The following OLA1 variants were observed in gnomAD, a reference collection of about 807,000 sequenced individuals.
OLA1 encodes obg-like ATPase 1.
Under a neutral mutation model 48.4 loss-of-function variants are expected in OLA1, and 14 were observed. The observed-to-expected ratio is 0.29, with a 90% CI of 0.19 to 0.45. The LOEUF is 0.45. OLA1 is among the 20% of genes least tolerant of loss of function. The pLI, the probability that OLA1 is intolerant of heterozygous loss-of-function variation, is 1.00. For missense variants in OLA1, 325 were observed against 467.1 expected (o/e 0.70, Z 2.80); for synonymous variants, 127 against 150.4 (o/e 0.84, Z 1.14).
intron 4 of OLA1, among the ~76,000 whole-genome samples, chr2:174,199,865 C>T (rs763434950): frequency 2.6e-5 from 4 of 152,108 alleles, no homozygotes; most frequent in Non-Finnish European, 5.9e-5. Flanking sequence ...ATACTCTTCC[C>T]TTTTCTAACC....
At chr2:174,236,751 A>C (rs1688859753) in intron 2 of OLA1, among the ~76,000 whole-genome samples, 1 of 152,346 alleles carries the variant, frequency 6.6e-6, no homozygotes, top group East Asian at 1.9e-4. Flanking sequence ...ACTGTACTGA[A>C]CACTGTAGAC....
chr2:174,077,051 T>C (rs1684755779), intron 10 of OLA1, among the ~76,000 whole-genome samples: 2 of 152,106 alleles, frequency 1.3e-5, no homozygotes, highest in Non-Finnish European at 2.9e-5. Context: ...TAGAGACCAT[T>C]TAATCCATTT....
At chr2:174,197,428 TG>T (rs1687901029) in intron 4 of OLA1, among the ~76,000 whole-genome samples, 1 of 104,488 alleles carries the variant, frequency 9.6e-6, no homozygotes, top group South Asian at 4.2e-4. Context: ...GTTGTTGGTT[TG>T]TTGTTTTTTT....
At chr2:174,145,816 T>C (rs1213061864) in intron 4 of OLA1, among the ~76,000 whole-genome samples, 2 of 152,188 alleles carry the variant, frequency 1.3e-5, no homozygotes, top group African/African-American at 4.8e-5. Flanking sequence ...TCAAGAGAAA[T>C]GCCTGAAAAT....
chr2:174,199,068 A>C (rs187851946), intron 4 of OLA1, among the ~76,000 whole-genome samples: 1 of 148,244 alleles, frequency 6.7e-6, no homozygotes, highest in East Asian at 3.3e-4. Flanking sequence ...TACATCTCTA[A>C]CGTGCTGGGT....
chr2:174,134,845 CTA>C (rs1686265502), intron 5 of OLA1, among the ~76,000 whole-genome samples: 1 of 152,162 alleles, frequency 6.6e-6, no homozygotes, highest in African/African-American at 2.4e-5. Flanking sequence ...TTGCTTTAGG[CTA>C]TGTCTTGAAG....
At chr2:174,140,547 T>C (rs1686422608) in intron 5 of OLA1, among the ~76,000 whole-genome samples, 1 of 152,068 alleles carries the variant, frequency 6.6e-6, no homozygotes, top group South Asian at 2.1e-4. Context: ...TTTGTATTTT[T>C]AGTCGAGATG....
intron 4 of OLA1, among the ~76,000 whole-genome samples, chr2:174,195,045 A>G (rs1687854424): frequency 6.6e-6 from 1 of 152,076 alleles, no homozygotes; most frequent in African/African-American, 2.4e-5. Context: ...TAAACATCCT[A>G]TCTGAATCCT....
At chr2:174,222,716 T>G (rs1215235607) in intron 4 of OLA1, among the ~76,000 whole-genome samples, 1 of 152,200 alleles carries the variant, frequency 6.6e-6, no homozygotes, top group Non-Finnish European at 1.5e-5. Flanking sequence ...GTTCCACAAT[T>G]TAAGATAATT....
chr2:174,115,656 T>C (rs1685764368), intron 7 of OLA1, among the ~76,000 whole-genome samples: 1 of 152,154 alleles, frequency 6.6e-6, no homozygotes, highest in Non-Finnish European at 1.5e-5. Flanking sequence ...TTCTCCAACT[T>C]CAATTCCTAT....
At chr2:174,122,640 A>C (rs958460640) in intron 7 of OLA1, among the ~76,000 whole-genome samples, 1 of 152,178 alleles carries the variant, frequency 6.6e-6, no homozygotes, top group South Asian at 2.1e-4. Flanking sequence ...TTTTGGTTAC[A>C]TGCCAAAAAT....
intron 2 of OLA1, among the ~76,000 whole-genome samples, chr2:174,238,829 A>G (rs1688926901): frequency 6.6e-6 from 1 of 152,196 alleles, no homozygotes; most frequent in Admixed American, 6.5e-5. Flanking sequence ...TATGTTGTAT[A>G]TAACTGAAAG....
chr2:174,201,263 T>A (rs1687984166), intron 4 of OLA1, among the ~76,000 whole-genome samples: 1 of 152,222 alleles, frequency 6.6e-6, no homozygotes, highest in South Asian at 2.1e-4. Context: ...GAAGTTAAAA[T>A]GATGGGTTTC....
In OLA1 at chr2:174,123,614, T is replaced by C. The variant is rs1311441154; in HGVS notation, c.611A>G (p.His204Arg). The change falls in exon 6 of 11, where the codon CAT (histidine) becomes CGT (arginine). Residue 204 changes from histidine (H) to arginine (R), a missense_variant. Physicochemically the swap from His to Arg is conservative, Grantham distance 29 (BLOSUM62 0). Transcript: ENST00000284719. ...IDQKKPVRFY[H>R]DWNDKEIEVL... ...ACTTACCTCTTTGTCATTCCAATCA[T>C]GATAGAAGCGAACAGGTTTCTTTTG... 1 of 1,595,736 alleles carries C rather than the reference T, an allele frequency of 6.3e-7. No homozygotes were observed. Among genetic ancestry groups the C allele is most frequent in the East Asian group, 2.3e-5 (1 of 44,140 alleles).
At chr2:174,201,361 T>C (rs1253260311) in intron 4 of OLA1, among the ~76,000 whole-genome samples, 1 of 152,212 alleles carries the variant, frequency 6.6e-6, no homozygotes, top group Non-Finnish European at 1.5e-5. Flanking sequence ...AGACAGTGTC[T>C]GGGTCTTCCT....
intron 7 of OLA1, among the ~76,000 whole-genome samples, chr2:174,122,886 T>G (rs1685948442): frequency 6.6e-6 from 1 of 152,134 alleles, no homozygotes; most frequent in Non-Finnish European, 1.5e-5. Context: ...CTACATTTAT[T>G]CTCATTTTGC....
At chr2:174,143,976 C>T (rs1479344963) in intron 4 of OLA1, among the ~76,000 whole-genome samples, 1 of 150,108 alleles carries the variant, frequency 6.7e-6, no homozygotes, top group Non-Finnish European at 1.5e-5. Flanking sequence ...TGGTGGTATG[C>T]GCTTATACTC....
intron 4 of OLA1, 103 bp downstream of exon 4, chr2:174,222,930 C>A: frequency 8.1e-7 from 1 of 1,234,926 alleles, no homozygotes; most frequent in Non-Finnish European, 1.1e-6. Context: ...TCTGGTAAAG[C>A]AAAGCAATCT....
chr2:174,131,967 C>G (rs1317861869), intron 5 of OLA1, among the ~76,000 whole-genome samples: 1 of 151,966 alleles, frequency 6.6e-6, no homozygotes, highest in Admixed American at 6.5e-5. Flanking sequence ...TGAGACTTTA[C>G]ATGTATAGTA....
Sources: gnomAD v4.1 joint callset for allele counts (sites outside exome capture counted in the v4.1 genomes callset) on GRCh38, gnomAD v4.1.1 for gene constraint, MANE v1.5 for transcripts, NCBI Gene and HGNC (gene_info 2026-07-23, HGNC 2026-07-21) for gene names.